The following MAN2B1 variants were observed in gnomAD, a reference collection of about 807,000 sequenced individuals.
MAN2B1 encodes lysosomal alpha-mannosidase.
In MAN2B1, 99 loss-of-function variants were observed where a neutral mutation model predicts 127.5. The observed-to-expected ratio is 0.78, with a 90% CI of 0.66 to 0.92. MAN2B1 has a LOEUF of 0.92. Ranked by LOEUF, MAN2B1 falls within the 40% of genes least tolerant of loss-of-function variation. The pLI, the probability that MAN2B1 is intolerant of heterozygous loss-of-function variation, is 0.00. For synonymous variants in MAN2B1, 573 were observed against 568.8 expected, an observed-to-expected ratio of 1.01 and a Z score of -0.11; for missense variants, 1,304 against 1,384.8, an observed-to-expected ratio of 0.94 and a Z score of 0.93.
In MAN2B1 at chr19:12,647,602, C is replaced by A; in HGVS notation, c.2665-4G>T. On this transcript the variant is annotated splice_polypyrimidine_tract_variant and splice_region_variant and intron_variant, in intron 21 of 23. Coordinates refer to ENST00000456935, the MANE Select transcript of MAN2B1 (RefSeq NM_000528.4). The surrounding 1 kb of genome is among the most constrained non-coding windows in gnomAD (Gnocchi z 4.9). ...GGTCCCTGCGCAGCCCTGAGAACTG[C>A]GGGAGAGAGGGCGGGGCTGAGTTGG... 1.3e-6 allele frequency: 2 copies of A among 1,518,532 alleles called. No homozygotes were observed. The highest frequency in any genetic ancestry group is 1.1e-5 in the South Asian group (1 of 89,876). 94.1% of individuals were successfully genotyped at this position (1,518,532 alleles called of 1,614,324 possible).
At chr19:12,652,519 T>C (rs2023863665) in intron 14 of MAN2B1, 59 bp from the exon 15 acceptor site, 7 of 1,247,146 alleles carry the variant, frequency 5.6e-6, no homozygotes, top group Non-Finnish European at 6.9e-6. Flanking sequence ...GTTTTCTTTT[T>C]TTAATTTTTC....
chr19:12,652,266 T>G lies in MAN2B1; in HGVS notation c.1933A>C (p.Asn645His). 3 of 1,613,930 alleles carry G rather than the reference T, an allele frequency of 1.9e-6. No homozygotes were observed. Among genetic ancestry groups the G allele is most frequent in the Non-Finnish European group, 2.5e-6 (3 of 1,179,818 alleles). Residue 645 changes from asparagine (N) to histidine (H), a missense_variant, in exon 16 of 24, where the codon AAC (asparagine) becomes CAC (histidine). Asn to His is a moderately conservative substitution (Grantham distance 68, BLOSUM62 1). Transcript: ENST00000456935. ...CTTTCGTTGTCACCTATACTGGCGTTGTACCTGGAGTTGGGGCAGGTGAGA... is the reference window on the plus strand; with the variant it reads ...CTTTCGTTGTCACCTATACTGGCGTGGTACCTGGAGTTGGGGCAGGTGAGA... ...LPVRQTFFWY[N>H]ASIGDNESDQ...
intron 14 of MAN2B1, among the ~76,000 whole-genome samples, chr19:12,655,200 T>G (rs1393818806): frequency 6.6e-6 from 1 of 152,182 alleles, no homozygotes; most frequent in Non-Finnish European, 1.5e-5. Flanking sequence ...AAAGTCTTCC[T>G]GTTGGTCCTC....
intron 6 of MAN2B1, 120 bp downstream of exon 6, chr19:12,663,197 G>A (rs2024148431): frequency 8.0e-7 from 1 of 1,242,362 alleles, no homozygotes; most frequent in African/African-American, 1.5e-5. Context: ...CTGGGTGACA[G>A]AGTAAGACTG....
intron 14 of MAN2B1, among the ~76,000 whole-genome samples, chr19:12,653,130 G>A (rs2023880443): frequency 6.9e-6 from 1 of 144,538 alleles, no homozygotes; most frequent in Non-Finnish European, 1.5e-5. Context: ...CACTGCACCT[G>A]GCCTGGGTTT....
intron 14 of MAN2B1, among the ~76,000 whole-genome samples, chr19:12,653,410 G>C (rs563144052): frequency 6.6e-6 from 1 of 151,562 alleles, no homozygotes; most frequent in African/African-American, 2.4e-5. Flanking sequence ...GCCTCCCAAA[G>C]TGCTGGGATT....
At chr19:12,662,008 C>A (rs1213108015) in intron 6 of MAN2B1, among the ~76,000 whole-genome samples, 1 of 152,066 alleles carries the variant, frequency 6.6e-6, no homozygotes, top group Non-Finnish European at 1.5e-5. Context: ...CCACACCCGA[C>A]TAATTTTTGT....
At chr19:12,648,143 C>T (rs991714132) in intron 21 of MAN2B1, 32 bp downstream of exon 21, 5 of 1,518,290 alleles carry the variant, frequency 3.3e-6, no homozygotes, top group African/African-American at 1.4e-5. Context: ...GACTTCAATC[C>T]GGTCCTCTCT....
intron 15 of MAN2B1, 39 bp from the exon 16 acceptor site, chr19:12,652,309 AG>A: frequency 6.2e-7 from 1 of 1,608,626 alleles, no homozygotes; most frequent in Non-Finnish European, 8.5e-7. Context: ...AAGGGGCCCT[AG>A]CTCCATGCCG....
intron 13 of MAN2B1, chr19:12,656,141 G>A: frequency 2.2e-6 from 1 of 453,596 alleles, no homozygotes; most frequent in South Asian, 3.2e-5. Flanking sequence ...CCTTGAGGCA[G>A]GTTCTCGGGG....
intron 12 of MAN2B1, 57 bp downstream of exon 12, chr19:12,656,892 C>T: frequency 3.6e-6 from 5 of 1,400,198 alleles, no homozygotes; most frequent in Non-Finnish European, 5.0e-6. Context: ...AAACATTTTC[C>T]AACTACCCCC....
intron 20 of MAN2B1, 80 bp downstream of exon 20, chr19:12,649,055 TG>T: frequency 8.3e-7 from 1 of 1,199,814 alleles, no homozygotes; most frequent in Non-Finnish European, 1.2e-6. Context: ...AGCAGAGAAC[TG>T]GGCCAGAAAC....
chr19:12,661,209 C>G, intron 7 of MAN2B1, 51 bp downstream of exon 7: 5 of 1,306,898 alleles, frequency 3.8e-6, no homozygotes, highest in Non-Finnish European at 5.6e-6. Context: ...CCAAGGCCCC[C>G]GGATGCAAGC....
At chr19:12,654,342 C>A (rs1415538929) in intron 14 of MAN2B1, among the ~76,000 whole-genome samples, 1 of 151,992 alleles carries the variant, frequency 6.6e-6, no homozygotes, top group African/African-American at 2.4e-5. Flanking sequence ...GCGCCCGGCC[C>A]CCCCAACCTT....
chr19:12,649,674 G>C (rs2023794138), intron 18 of MAN2B1, among the ~76,000 whole-genome samples: 1 of 151,612 alleles, frequency 6.6e-6, no homozygotes, highest in African/African-American at 2.4e-5. Flanking sequence ...AGTAGAGACG[G>C]GGTTTCACCA....
At chr19:12,661,989 C>T (rs948096627) in intron 6 of MAN2B1, among the ~76,000 whole-genome samples, 1 of 152,046 alleles carries the variant, frequency 6.6e-6, no homozygotes, top group Non-Finnish European at 1.5e-5. Context: ...GGATTACAGG[C>T]GTGCGCCACC....
intron 7 of MAN2B1, among the ~76,000 whole-genome samples, chr19:12,659,274 G>A (rs1325413572): frequency 6.7e-6 from 1 of 148,266 alleles, no homozygotes; most frequent in Non-Finnish European, 1.5e-5. Context: ...GTCCCCCAAT[G>A]TACACAGTAG....
At position 12,647,055 on chromosome 19, in the gene MAN2B1, T is replaced by C. The variant is rs2023704702; in HGVS notation, c.2923+178A>G. 4 of 639,204 alleles carry C rather than the reference T, an allele frequency of 6.3e-6. No individual in the cohort carries two copies. The highest frequency in any genetic ancestry group is 1.1e-5 in the Non-Finnish European group (4 of 360,516). The allele number at this position is 639,204 out of a possible 1,614,324, so 39.6% of individuals were successfully genotyped here. A position where few individuals can be genotyped will look rare whatever the true frequency, so the allele number is the denominator to read the frequency against. The stretch of plus-strand genomic sequence containing the variant: ...CAGCACCCACAAACCTCAAGACCCA[T>C]TCCTGGTTTGCCGCACCCATTTCAG... On this transcript the variant is annotated intron_variant, in intron 23 of 23. Transcript: ENST00000456935. The surrounding 1 kb of genome is among the most constrained non-coding windows in gnomAD (Gnocchi z 4.9).
Position 12,655,335 on chromosome 19 carries a change from C to A in MAN2B1, c.1830+359G>T, listed in dbSNP as rs560828295. ...TTTTATGCCTGTTATTCTCTCCCCA[C>A]CTGGATCTCTCTTCCTTCAAATAGC... On this transcript the variant is annotated intron_variant, in intron 14 of 23. Transcript: ENST00000456935. 1.5e-3 allele frequency among the ~76,000 whole-genome samples: 235 copies of A among 152,298 alleles called. 1 individual carries two copies. Among genetic ancestry groups the A allele is most frequent in the African/African-American group, 5.5e-3 (227 of 41,562 alleles).
Sources: allele counts gnomAD v4.1 joint callset (sites outside exome capture counted in the v4.1 genomes callset), GRCh38; gene constraint gnomAD v4.1.1; non-coding constraint Gnocchi (gnomAD v3.1); transcripts MANE v1.5; gene names NCBI Gene and HGNC (gene_info 2026-07-23, HGNC 2026-07-21).